Variants in ARHGAP35 observed in about 807,000 individuals in gnomAD.
ARHGAP35 encodes the protein Rho GTPase activating protein 35, also known as rho GTPase-activating protein 35.
Under a neutral mutation model 111.1 loss-of-function variants are expected in ARHGAP35, and 15 were observed. The ratio of observed to expected loss-of-function variants is 0.13; its 90% CI spans 0.09 to 0.21. The LOEUF is 0.21. Among genes scored for constraint, ARHGAP35 ranks in the 10% least tolerant of loss-of-function variants. ARHGAP35 has a pLI of 1.00. For missense variants in ARHGAP35, 1,262 were observed against 1,873.0 expected (o/e 0.67, Z 6.02); for synonymous variants, 643 against 710.3 (o/e 0.91, Z 1.51).
At chr19:46,884,775 T>G (rs2122141447) in intron 1 of ARHGAP35, among the ~76,000 whole-genome samples, 1 of 152,242 alleles carries the variant, frequency 6.6e-6, no homozygotes, top group East Asian at 1.9e-4. Context: ...GTTTAAGGGC[T>G]AGAGTGCAGT....
chr19:46,907,812 G>A (rs1047273358), intron 1 of ARHGAP35, among the ~76,000 whole-genome samples: 1 of 152,180 alleles, frequency 6.6e-6, no homozygotes, highest in Non-Finnish European at 1.5e-5. Context: ...TTCAGTACAG[G>A]TGCATTAGAT....
chr19:46,964,878 T>C (rs1245148111), intron 3 of ARHGAP35, among the ~76,000 whole-genome samples: 3 of 152,234 alleles, frequency 2.0e-5, no homozygotes, highest in Non-Finnish European at 4.4e-5. Flanking sequence ...AGGTCTTTGG[T>C]AGCCTGTCCA....
chr19:46,867,748 G>T (rs1022894902), intron 1 of ARHGAP35, among the ~76,000 whole-genome samples: 2 of 151,890 alleles, frequency 1.3e-5, no homozygotes, highest in African/African-American at 4.8e-5. Flanking sequence ...ATAAACAGGT[G>T]CTAAAGTTTT....
chr19:46,929,186 A>C (rs938486944), intron 2 of ARHGAP35, among the ~76,000 whole-genome samples: 3 of 152,164 alleles, frequency 2.0e-5, no homozygotes. Flanking sequence ...ATCTGCCTTC[A>C]GGTTTTCTTT....
chr19:46,884,114 T>TA (rs1483132001), intron 1 of ARHGAP35, among the ~76,000 whole-genome samples: 1 of 152,074 alleles, frequency 6.6e-6, no homozygotes, highest in Non-Finnish European at 1.5e-5. Context: ...AGGAGAGAAT[T>TA]TAAAAAAGAA....
chr19:46,918,516 A>T lies in ARHGAP35; in HGVS notation c.-160A>T, dbSNP rs1568466849. 2.0e-5 allele frequency among the ~76,000 whole-genome samples: 3 copies of T among 151,786 alleles called. No individual in the cohort carries two copies. Among genetic ancestry groups the T allele is most frequent in the South Asian group, 4.2e-4 (2 of 4,802 alleles). On this transcript the variant is annotated 5_prime_UTR_variant, in exon 2 of 7. Transcript: ENST00000672722. The surrounding 1 kb of genome is among the most constrained non-coding windows in gnomAD (Gnocchi z 5.4). Reference sequence around the variant, plus strand: ...GAAATGTTGGCTATTTGGCGATGAGAGGTGGTGAACAGTGACCATACTGGT... The same window carrying T: ...GAAATGTTGGCTATTTGGCGATGAGTGGTGGTGAACAGTGACCATACTGGT...
intron 1 of ARHGAP35, among the ~76,000 whole-genome samples, chr19:46,914,982 G>C (rs1172454525): frequency 2.0e-5 from 3 of 152,104 alleles, no homozygotes; most frequent in African/African-American, 7.2e-5. Context: ...CAGACCCTGG[G>C]GTCAGGAATT....
chr19:46,937,469 G>A (rs1023182510), intron 3 of ARHGAP35, 61 bp downstream of exon 3: 8 of 1,567,514 alleles, frequency 5.1e-6, no homozygotes, highest in African/African-American at 1.4e-5. Context: ...CTTACTGGAG[G>A]GTCAAGCCAT....
intron 3 of ARHGAP35, among the ~76,000 whole-genome samples, chr19:46,966,792 G>T (rs933874972): frequency 2.0e-5 from 3 of 152,130 alleles, no homozygotes; most frequent in African/African-American, 7.2e-5. Flanking sequence ...CCTGAGGCCA[G>T]CCCCCATTGG....
intron 3 of ARHGAP35, among the ~76,000 whole-genome samples, chr19:46,977,617 G>T (rs575799554): frequency 3.9e-5 from 6 of 152,322 alleles, no homozygotes; most frequent in African/African-American, 1.4e-4. Context: ...GAACTCAGGG[G>T]TCTACCAGGG....
chr19:46,944,144 A>G (rs1361683878), intron 3 of ARHGAP35, among the ~76,000 whole-genome samples: 1 of 152,104 alleles, frequency 6.6e-6, no homozygotes, highest in African/African-American at 2.4e-5. Flanking sequence ...TACCAAAAAT[A>G]CAAAAATTAG....
At chr19:46,962,072 G>C (rs544011218) in intron 3 of ARHGAP35, among the ~76,000 whole-genome samples, 1 of 152,200 alleles carries the variant, frequency 6.6e-6, no homozygotes, top group African/African-American at 2.4e-5. Context: ...AAGGCTTCTG[G>C]AATGCTGGGA....
At chr19:46,960,152 T>C (rs1348907570) in intron 3 of ARHGAP35, among the ~76,000 whole-genome samples, 1 of 150,942 alleles carries the variant, frequency 6.6e-6, no homozygotes, top group Admixed American at 6.6e-5. Context: ...AGTAACCCGA[T>C]CTTGTTGAGG....
intron 3 of ARHGAP35, among the ~76,000 whole-genome samples, chr19:46,981,246 G>C (rs2056618824): frequency 6.6e-6 from 1 of 152,228 alleles, no homozygotes; most frequent in Non-Finnish European, 1.5e-5. Context: ...AAAAGAAAAA[G>C]GGAATGGTTT....
At chr19:46,867,595 A>G (rs972161306) in intron 1 of ARHGAP35, among the ~76,000 whole-genome samples, 2 of 152,306 alleles carry the variant, frequency 1.3e-5, no homozygotes, top group South Asian at 2.1e-4. Flanking sequence ...GTGGCTAATA[A>G]TACTTGATTG....
intron 1 of ARHGAP35, among the ~76,000 whole-genome samples, chr19:46,879,926 G>C (rs1294508937): frequency 6.7e-6 from 1 of 149,920 alleles, no homozygotes; most frequent in South Asian, 2.1e-4. Context: ...TATCTACTAA[G>C]AATACACAAA....
In ARHGAP35 at chr19:46,999,487, C is replaced by G; in HGVS notation, c.4142+78C>G. ...GGTCAGTGTGTCGCAGAACAAGGCT[C>G]TGTCCACAAGCCAGTAGAAGCCTCA... On this transcript the variant is annotated intron_variant, in intron 6 of 6. Transcript: ENST00000672722. The surrounding 1 kb of genome is among the most constrained non-coding windows in gnomAD (Gnocchi z 5.4). 1.0e-6 allele frequency: 1 copy of G among 1,002,962 alleles called. No individual in the cohort carries two copies. The highest frequency in any genetic ancestry group is 1.5e-6 in the Non-Finnish European group (1 of 664,668). 62.1% of individuals were successfully genotyped at this position (1,002,962 alleles called of 1,614,324 possible).
At chr19:46,869,425 A>T (rs1375780219) in intron 1 of ARHGAP35, among the ~76,000 whole-genome samples, 3 of 151,716 alleles carry the variant, frequency 2.0e-5, no homozygotes, top group African/African-American at 7.3e-5. Flanking sequence ...TGATCGCATC[A>T]CTGCAGTCCT....
chr19:46,957,305 A>G (rs2056445365), intron 3 of ARHGAP35, among the ~76,000 whole-genome samples: 1 of 152,070 alleles, frequency 6.6e-6, no homozygotes, highest in South Asian at 2.1e-4. Flanking sequence ...ACCATCCTTC[A>G]TCATTTTTAA....
Sources: gnomAD v4.1 joint callset for allele counts (sites outside exome capture counted in the v4.1 genomes callset) on GRCh38, gnomAD v4.1.1 for gene constraint, Gnocchi (gnomAD v3.1) non-coding constraint, MANE v1.5 for transcripts, NCBI Gene and HGNC (gene_info 2026-07-23, HGNC 2026-07-21) for gene names.